Variants in PPP2R2B observed in about 807,000 individuals in gnomAD.
The protein encoded by PPP2R2B is serine/threonine-protein phosphatase 2A 55 kDa regulatory subunit B beta isoform.
A neutral mutation model predicts 46.0 loss-of-function variants in PPP2R2B; 5 were observed. The observed-to-expected ratio is 0.11, with a 90% CI of 0.06 to 0.23. The LOEUF is 0.23. Ranked by LOEUF, PPP2R2B falls within the 10% of genes least tolerant of loss-of-function variation. PPP2R2B has a pLI of 1.00. For synonymous variants in PPP2R2B, 215 were observed against 206.7 expected, an observed-to-expected ratio of 1.04 and a Z score of -0.34; for missense variants, 367 against 575.0, an observed-to-expected ratio of 0.64 and a Z score of 3.70.
intron 1 of PPP2R2B, among the ~76,000 whole-genome samples, chr5:146,934,273 G>T (rs888252582): frequency 4.0e-5 from 6 of 151,412 alleles, no homozygotes; most frequent in African/African-American, 1.5e-4. Flanking sequence ...TTCCACAATG[G>T]TTGAACTAGT....
At chr5:146,759,580 C>A (rs571889396) in intron 2 of PPP2R2B, among the ~76,000 whole-genome samples, 1 of 152,308 alleles carries the variant, frequency 6.6e-6, no homozygotes, top group South Asian at 2.1e-4. Flanking sequence ...TCAGGCATCA[C>A]CTCTAGAAAG....
At chr5:146,975,374 T>C (rs958192007) in intron 1 of PPP2R2B, among the ~76,000 whole-genome samples, 3 of 152,250 alleles carry the variant, frequency 2.0e-5, no homozygotes, top group Non-Finnish European at 4.4e-5. Flanking sequence ...CCACTGTGTG[T>C]ATATTCCACA....
At chr5:146,925,801 A>G (rs1045516190) in intron 1 of PPP2R2B, among the ~76,000 whole-genome samples, 4 of 152,048 alleles carry the variant, frequency 2.6e-5, no homozygotes, top group African/African-American at 9.7e-5. Flanking sequence ...CTTGTCCCAC[A>G]GGTTTTTGAG....
In PPP2R2B at chr5:146,812,670, T is replaced by TATATAC. The variant is rs1182738252; in HGVS notation, c.70+65331_70+65332insGTATAT. On this transcript the variant is annotated intron_variant, in intron 2 of 9. Transcript: ENST00000394411. ...GAGTTACTTAGTCCTCAGAAGAGTA[T>TATATAC]ATATATATATATATATATATATATA... Among the ~76,000 whole-genome samples the TATATAC allele has an allele frequency of 3.3e-4, 5 of 15,148 alleles. 1 individual carries two copies. Among genetic ancestry groups the TATATAC allele is most frequent in the African/African-American group, 1.9e-3 (5 of 2,682 alleles). The allele number at this position is 15,148 out of a possible 152,430, so 9.9% of individuals were successfully genotyped here.
At chr5:146,888,468 T>C (rs1011950415) in intron 1 of PPP2R2B, among the ~76,000 whole-genome samples, 1 of 152,128 alleles carries the variant, frequency 6.6e-6, no homozygotes, top group Non-Finnish European at 1.5e-5. Context: ...CTCACCATGA[T>C]TATATCAATA....
At chr5:146,723,082 A>C (rs1453281757) in intron 2 of PPP2R2B, among the ~76,000 whole-genome samples, 1 of 152,166 alleles carries the variant, frequency 6.6e-6, no homozygotes, top group Non-Finnish European at 1.5e-5. Flanking sequence ...AGCACAATGT[A>C]TATTTCCTCC....
At chr5:147,058,269 G>A (rs1164034696), upstream of PPP2R2B, among the ~76,000 whole-genome samples, 1 of 152,124 alleles carries the variant, frequency 6.6e-6, no homozygotes, top group Non-Finnish European at 1.5e-5. Context: ...AAGTGGATTT[G>A]AGCCTATCAT....
intron 4 of PPP2R2B, among the ~76,000 whole-genome samples, chr5:146,691,461 C>T (rs1325298104): frequency 6.6e-6 from 1 of 152,156 alleles, no homozygotes; most frequent in Non-Finnish European, 1.5e-5. Context: ...ATGGATTTCC[C>T]TGATAATGGG....
intron 2 of PPP2R2B, chr5:146,706,794 G>A: frequency 1.2e-6 from 1 of 843,482 alleles, no homozygotes; most frequent in Non-Finnish European, 2.1e-6. Flanking sequence ...GCCTCAGCCC[G>A]ACTGCGGTTG....
At chr5:147,069,880 T>C (rs1757534513) in intron 2 of PPP2R2B, among the ~76,000 whole-genome samples, 1 of 129,718 alleles carries the variant, frequency 7.7e-6, no homozygotes, top group Admixed American at 9.9e-5. Flanking sequence ...AACCTCCGCC[T>C]ACCAGGTTCA....
chr5:146,897,252 A>T (rs1361219095), intron 1 of PPP2R2B, among the ~76,000 whole-genome samples: 4 of 152,204 alleles, frequency 2.6e-5, no homozygotes, highest in Non-Finnish European at 1.5e-5. Flanking sequence ...AATGCCAAAG[A>T]TGATGTGGGA....
chr5:146,968,499 A>T (rs1752535067), intron 1 of PPP2R2B, among the ~76,000 whole-genome samples: 1 of 152,198 alleles, frequency 6.6e-6, no homozygotes, highest in Non-Finnish European at 1.5e-5. Flanking sequence ...TTTCCTTTAC[A>T]TTAATGAATA....
At chr5:146,703,622 A>G (rs1244496026) in intron 2 of PPP2R2B, among the ~76,000 whole-genome samples, 1 of 152,206 alleles carries the variant, frequency 6.6e-6, no homozygotes, top group Non-Finnish European at 1.5e-5. Flanking sequence ...CAAGGGCAAC[A>G]CTTGCTTTCC....
intron 1 of PPP2R2B, among the ~76,000 whole-genome samples, chr5:147,045,365 T>C (rs1756496852): frequency 6.6e-6 from 1 of 152,150 alleles, no homozygotes; most frequent in South Asian, 2.1e-4. Context: ...ACCATTGTGT[T>C]ACAATTGCCC....
At chr5:146,907,615 T>A (rs1763043815) in intron 1 of PPP2R2B, among the ~76,000 whole-genome samples, 1 of 152,254 alleles carries the variant, frequency 6.6e-6, no homozygotes, top group Non-Finnish European at 1.5e-5. Flanking sequence ...TGGAACACAC[T>A]GTGCCTCACA....
chr5:146,884,541 A>G (rs1199164371), intron 1 of PPP2R2B, among the ~76,000 whole-genome samples: 1 of 152,194 alleles, frequency 6.6e-6, no homozygotes, highest in Non-Finnish European at 1.5e-5. Flanking sequence ...TTGCTTCAAT[A>G]CTAAACAAAA....
intron 2 of PPP2R2B, among the ~76,000 whole-genome samples, chr5:146,862,852 G>A (rs1187222513): frequency 7.8e-6 from 1 of 127,900 alleles, no homozygotes; most frequent in Admixed American, 8.0e-5. Context: ...TGCTTGTCAA[G>A]TAATTGGAAA....
At chr5:146,877,565 A>G (rs1226823935) in intron 2 of PPP2R2B, among the ~76,000 whole-genome samples, 1 of 152,140 alleles carries the variant, frequency 6.6e-6, no homozygotes, top group Non-Finnish European at 1.5e-5. Flanking sequence ...ATGAATGGGC[A>G]GGAAATGAAA....
chr5:146,701,334 A>G, intron 2 of PPP2R2B, 192 bp from the exon 3 acceptor site: 3 of 733,908 alleles, frequency 4.1e-6, no homozygotes, highest in South Asian at 1.4e-5. Context: ...CTAGATGCCC[A>G]CACTGCACAG....
Sources: allele counts gnomAD v4.1 joint callset (sites outside exome capture counted in the v4.1 genomes callset), GRCh38; gene constraint gnomAD v4.1.1; transcripts MANE v1.5; gene names NCBI Gene and HGNC (gene_info 2026-07-23, HGNC 2026-07-21).